Variants in MLPH observed in about 807,000 individuals in gnomAD.
MLPH encodes exophilin-3.
A neutral mutation model predicts 72.1 loss-of-function variants in MLPH; 51 were observed. That is an observed-to-expected ratio of 0.71 (90% CI 0.56 to 0.89). MLPH has a LOEUF of 0.89. MLPH is among the 40% of genes least tolerant of loss of function. The pLI, the probability that MLPH is intolerant of heterozygous loss-of-function variation, is 0.00. For synonymous variants in MLPH, 301 were observed against 310.1 expected, an observed-to-expected ratio of 0.97 and a Z score of 0.31; for missense variants, 743 against 759.9, an observed-to-expected ratio of 0.98 and a Z score of 0.26.
chr2:237,549,092 T>C, intron 13 of MLPH, 129 bp from the exon 14 acceptor site: 1 of 783,162 alleles, frequency 1.3e-6, no homozygotes, highest in Non-Finnish European at 2.2e-6. Context: ...AGTTCAAATA[T>C]TGCTAGAGAG....
intron 5 of MLPH, 118 bp downstream of exon 5, chr2:237,518,766 C>T (rs2080109581): frequency 1.3e-6 from 1 of 772,624 alleles, no homozygotes; most frequent in Non-Finnish European, 2.3e-6. Flanking sequence ...CTAGTTTCTA[C>T]TGCATGAGCA....
intron 9 of MLPH, among the ~76,000 whole-genome samples, chr2:237,538,670 AACAC>A (rs1313832190): frequency 6.6e-6 from 1 of 152,196 alleles, no homozygotes; most frequent in East Asian, 1.9e-4. Context: ...ATCCACCCCC[AACAC>A]ACACACAAAA....
At chr2:237,546,845 G>A (rs1411539061) in intron 13 of MLPH, among the ~76,000 whole-genome samples, 162 bp downstream of exon 13, 1 of 152,224 alleles carries the variant, frequency 6.6e-6, no homozygotes, top group Middle Eastern at 3.2e-3. Flanking sequence ...GGCAACTCTT[G>A]TGAGTTGGCT....
At position 237,540,953 on chromosome 2, in the gene MLPH, G is replaced by A. The variant is rs755389810; in HGVS notation, c.1442G>A (p.Ser481Asn). Reference sequence around the variant, plus strand: ...GCCTCAGAAGTCCAGCAGGCAGAGAGCGAGGTAGCCCAGAAGGCACAGGGG... The same window carrying A: ...GCCTCAGAAGTCCAGCAGGCAGAGAACGAGGTAGCCCAGAAGGCACAGGGG... ...VTASEVQQAE[S>N]EVSDIESRIA... The change falls in exon 11 of 16, where the codon AGC becomes AAC. Residue 481 changes from serine to asparagine, a missense_variant. Physicochemically the swap from Ser to Asn is conservative, Grantham distance 46. Transcript: ENST00000264605. 1.2e-6 allele frequency: 2 copies of A among 1,603,860 alleles called. No homozygotes were observed. The highest frequency in any genetic ancestry group is 1.1e-5 in the South Asian group (1 of 89,892).
intron 10 of MLPH, 48 bp from the exon 11 acceptor site, chr2:237,540,754 C>T: frequency 6.2e-7 from 1 of 1,606,108 alleles, no homozygotes; most frequent in Non-Finnish European, 8.5e-7. Context: ...GGGTGAAACC[C>T]CACACTCCCT....
chr2:237,550,726 T>C (rs1234056985), intron 14 of MLPH, among the ~76,000 whole-genome samples: 1 of 152,140 alleles, frequency 6.6e-6, no homozygotes, highest in Non-Finnish European at 1.5e-5. Flanking sequence ...ATTTTGTATC[T>C]TTAGTAGAGA....
At chr2:237,519,846 G>C in intron 5 of MLPH, 64 bp from the exon 6 acceptor site, 1 of 1,610,976 alleles carries the variant, frequency 6.2e-7, no homozygotes, top group Non-Finnish European at 8.5e-7. Context: ...GAGGTGCAGG[G>C]TATTTGGTCC....
chr2:237,542,538 CG>C (rs759134203), intron 11 of MLPH, 28 bp from the exon 12 acceptor site: 14 of 1,548,366 alleles, frequency 9.0e-6, no homozygotes, highest in Non-Finnish European at 1.8e-6. Flanking sequence ...GTCTGTCTGA[CG>C]GGCCTTCTGT....
intron 8 of MLPH, 32 bp downstream of exon 8, chr2:237,527,548 C>G: frequency 6.2e-7 from 1 of 1,613,542 alleles, no homozygotes. Flanking sequence ...TCTGTCTTGT[C>G]GTTTCTTTGG....
intron 2 of MLPH, among the ~76,000 whole-genome samples, chr2:237,503,826 C>T (rs937285332): frequency 6.6e-6 from 1 of 151,876 alleles, no homozygotes; most frequent in African/African-American, 2.4e-5. Context: ...CAGAATAATC[C>T]CCCCCAAAAA....
intron 4 of MLPH, among the ~76,000 whole-genome samples, chr2:237,515,050 T>G (rs1057140698): frequency 5.9e-5 from 9 of 152,316 alleles, no homozygotes; most frequent in Admixed American, 4.6e-4. Flanking sequence ...TATTTCTATC[T>G]CTGTATTATA....
intron 6 of MLPH, among the ~76,000 whole-genome samples, chr2:237,522,878 T>C (rs1240831704): frequency 6.6e-6 from 1 of 152,180 alleles, no homozygotes; most frequent in Non-Finnish European, 1.5e-5. Context: ...ACCGATGCGG[T>C]TGTACTGGAC....
chr2:237,520,358 G>A (rs965677706), intron 6 of MLPH, among the ~76,000 whole-genome samples: 5 of 152,182 alleles, frequency 3.3e-5, no homozygotes, highest in Non-Finnish European at 7.4e-5. Context: ...AGACTCAGGA[G>A]GGCGGGACAG....
At chr2:237,494,728 A>C (rs1175442553) in intron 2 of MLPH, among the ~76,000 whole-genome samples, 1 of 152,180 alleles carries the variant, frequency 6.6e-6, no homozygotes, top group African/African-American at 2.4e-5. Context: ...TGTTTCAGGC[A>C]TGTTGAAGTG....
intron 1 of MLPH, among the ~76,000 whole-genome samples, chr2:237,492,812 G>A (rs1224225081): frequency 2.0e-5 from 3 of 152,126 alleles, no homozygotes; most frequent in Non-Finnish European, 4.4e-5. Flanking sequence ...CCCACGCCCA[G>A]AGGATGGTGA....
chr2:237,553,948 T>C lies in MLPH; in HGVS notation c.*356T>C, dbSNP rs956379508. On this transcript the variant is annotated 3_prime_UTR_variant, in exon 16 of 16. Coordinates refer to ENST00000264605, the MANE Select transcript of MLPH (RefSeq NM_024101.7). ...CCTTTCACTCTTGGCTTTCTTATGTTGCTTTCATGAATGGAATGGAAAAAA... is the reference window on the plus strand; with the variant it reads ...CCTTTCACTCTTGGCTTTCTTATGTCGCTTTCATGAATGGAATGGAAAAAA... The C allele has an allele frequency of 2.4e-6, 1 of 418,554 alleles. No individual in the cohort carries two copies. Among genetic ancestry groups the C allele is most frequent in the Non-Finnish European group, 4.5e-6 (1 of 220,860 alleles). The allele number at this position is 418,554 out of a possible 1,614,324, so 25.9% of individuals were successfully genotyped here.
chr2:237,549,275 C>G lies in MLPH; in HGVS notation c.1672C>G (p.Gln558Glu). 6.2e-7 allele frequency: 1 copy of G among 1,614,016 alleles called. No homozygotes were observed. The highest frequency in any genetic ancestry group is 1.1e-5 in the South Asian group (1 of 91,066). The part of the protein sequence containing the change: ...RRKFSNSLKS[Q>E]GKDDDSFDRK... ...AAAGTTCAGTAATTCCCTGAAAAGT[C>G]AAGGTAAGAGCCCTCTGCTCCCCCA... is the stretch of plus-strand genomic sequence containing the variant. Residue 558 changes from glutamine (Q) to glutamate (E), a missense_variant, in exon 14 of 16, where the codon CAA becomes GAA. Transcript: ENST00000264605.
intron 2 of MLPH, among the ~76,000 whole-genome samples, chr2:237,500,993 G>T (rs2079635176): frequency 6.6e-6 from 1 of 151,640 alleles, no homozygotes; most frequent in African/African-American, 2.4e-5. Flanking sequence ...ATGTGGATCA[G>T]GTCATCCCCC....
At chr2:237,517,664 G>A (rs2080072214) in intron 4 of MLPH, among the ~76,000 whole-genome samples, 1 of 151,776 alleles carries the variant, frequency 6.6e-6, no homozygotes, top group Non-Finnish European at 1.5e-5. Context: ...TGGATGGGTA[G>A]GTGAATGAGT....
Sources: allele counts gnomAD v4.1 joint callset (sites outside exome capture counted in the v4.1 genomes callset), GRCh38; gene constraint gnomAD v4.1.1; transcripts MANE v1.5; gene names NCBI Gene and HGNC (gene_info 2026-07-23, HGNC 2026-07-21).